KCNB2: variants seen among roughly 807,000 people sequenced by gnomAD.
KCNB2 encodes the protein delayed rectifier potassium channel protein.
In KCNB2, 15 loss-of-function variants were observed where a neutral mutation model predicts 61.5. That is an observed-to-expected ratio of 0.24 (90% CI 0.16 to 0.38). The LOEUF (loss-of-function observed/expected upper bound fraction) is 0.38. Ranked by LOEUF, KCNB2 falls within the 10% of genes least tolerant of loss-of-function variation. The pLI is 1.00. For synonymous variants in KCNB2, 457 were observed against 446.0 expected (o/e 1.02, Z -0.31); for missense variants, 828 against 1,125.2 (o/e 0.74, Z 3.78).
At chr8:72,923,640 T>TG (rs1806574075) in intron 2 of KCNB2, among the ~76,000 whole-genome samples, 1 of 152,150 alleles carries the variant, frequency 6.6e-6, no homozygotes, top group South Asian at 2.1e-4. Flanking sequence ...TTCAATTGGT[T>TG]GGGGGGCTTA....
rs141976123 is a variant in KCNB2 at position 72,583,977 on chromosome 8, C to G, written c.579+15664C>G. Among the ~76,000 whole-genome samples the G allele has an allele frequency of 5.6e-3, 794 of 142,376 alleles. 8 individuals are homozygous for G. The highest frequency in any genetic ancestry group is 0.019 in the African/African-American group (723 of 38,178). The allele number at this position is 142,376 out of a possible 152,430, so 93.4% of individuals were successfully genotyped here. On this transcript the variant is annotated intron_variant, in intron 2 of 2. Coordinates refer to ENST00000523207, the MANE Select transcript of KCNB2 (RefSeq NM_004770.3). ...AAAAAAAAAAAAAACAAACAAAACC[C>G]AAACCCAAAACCAAAAATACCTCTT... is the stretch of plus-strand genomic sequence containing the variant.
At chr8:72,743,904 C>G (rs949550072) in intron 2 of KCNB2, among the ~76,000 whole-genome samples, 1 of 151,984 alleles carries the variant, frequency 6.6e-6, no homozygotes, top group Non-Finnish European at 1.5e-5. Flanking sequence ...GTTAAGATGG[C>G]CTTATATTTC....
At chr8:72,736,397 T>A (rs1807846590) in intron 2 of KCNB2, among the ~76,000 whole-genome samples, 1 of 152,138 alleles carries the variant, frequency 6.6e-6, no homozygotes, top group South Asian at 2.1e-4. Flanking sequence ...TACCTTGGTT[T>A]TATCCCAAGA....
chr8:72,687,741 A>C (rs1585830683), intron 2 of KCNB2, among the ~76,000 whole-genome samples: 1 of 152,188 alleles, frequency 6.6e-6, no homozygotes, highest in Non-Finnish European at 1.5e-5. Context: ...ATATTCTAGA[A>C]AGATAAAAGA....
At chr8:72,909,546 G>A (rs1392604594) in intron 2 of KCNB2, among the ~76,000 whole-genome samples, 1 of 152,034 alleles carries the variant, frequency 6.6e-6, no homozygotes, top group Non-Finnish European at 1.5e-5. Context: ...ACAATGGGAA[G>A]ATTAGAGGTG....
chr8:72,648,150 G>A (rs1370224663), intron 2 of KCNB2, among the ~76,000 whole-genome samples: 3 of 152,090 alleles, frequency 2.0e-5, no homozygotes, highest in East Asian at 3.9e-4. Context: ...TGTTCGTGTC[G>A]AGAGTTTCTG....
At chr8:72,902,353 T>A (rs990322694) in intron 2 of KCNB2, among the ~76,000 whole-genome samples, 1 of 151,892 alleles carries the variant, frequency 6.6e-6, no homozygotes, top group African/African-American at 2.4e-5. Context: ...GCCAGAGAGA[T>A]ATGAAGCTGT....
At chr8:72,931,801 C>T (rs933639612) in intron 2 of KCNB2, among the ~76,000 whole-genome samples, 7 of 152,094 alleles carry the variant, frequency 4.6e-5, no homozygotes, top group South Asian at 2.1e-4. Flanking sequence ...CAACTTGAGG[C>T]CCGGCATTTG....
chr8:72,871,802 C>T (rs6472708), intron 2 of KCNB2, among the ~76,000 whole-genome samples: 137,377 of 152,286 alleles, frequency 0.9, 62,692 homozygotes, highest in Middle Eastern at 0.97. Context: ...TTTAAATTTA[C>T]GTTGTTACCT....
intron 2 of KCNB2, among the ~76,000 whole-genome samples, chr8:72,789,603 T>C (rs1808902811): frequency 6.6e-6 from 1 of 152,104 alleles, no homozygotes; most frequent in African/African-American, 2.4e-5. Context: ...TATCAGGGAA[T>C]GGCCCTGTGT....
At chr8:72,916,022 A>T (rs1483947707) in intron 2 of KCNB2, among the ~76,000 whole-genome samples, 1 of 152,144 alleles carries the variant, frequency 6.6e-6, no homozygotes, top group Non-Finnish European at 1.5e-5. Flanking sequence ...GGCTAGAGGG[A>T]CCAATTGATT....
At chr8:72,921,783 G>A (rs776888819) in intron 2 of KCNB2, among the ~76,000 whole-genome samples, 2 of 152,136 alleles carry the variant, frequency 1.3e-5, no homozygotes, top group South Asian at 2.1e-4. Flanking sequence ...TTAACAAATC[G>A]TAACTATTTA....
intron 2 of KCNB2, among the ~76,000 whole-genome samples, chr8:72,890,272 T>A (rs775100981): frequency 4.6e-5 from 7 of 152,210 alleles, no homozygotes; most frequent in Non-Finnish European, 8.8e-5. Context: ...TGAAAAGACA[T>A]GCACTGAAGG....
At chr8:72,929,403 G>C (rs963079355) in intron 2 of KCNB2, among the ~76,000 whole-genome samples, 14 of 152,148 alleles carry the variant, frequency 9.2e-5, no homozygotes, top group African/African-American at 3.4e-4. Flanking sequence ...GTGTCTAAGT[G>C]AAGAAATAAC....
intron 2 of KCNB2, among the ~76,000 whole-genome samples, chr8:72,844,472 T>C (rs964166230): frequency 6.6e-6 from 1 of 152,212 alleles, no homozygotes; most frequent in Non-Finnish European, 1.5e-5. Context: ...TTCCTGAATT[T>C]GAATGTTGCC....
At chr8:72,807,095 C>T (rs1809237176) in intron 2 of KCNB2, among the ~76,000 whole-genome samples, 1 of 152,156 alleles carries the variant, frequency 6.6e-6, no homozygotes, top group African/African-American at 2.4e-5. Context: ...ACTACAAAAA[C>T]CCCAAGGAAG....
intron 2 of KCNB2, among the ~76,000 whole-genome samples, chr8:72,596,804 C>T (rs1002346999): frequency 6.6e-6 from 1 of 152,056 alleles, no homozygotes; most frequent in Non-Finnish European, 1.5e-5. Flanking sequence ...TTGCCATGAA[C>T]TTTGGCTACT....
chr8:72,658,351 T>C (rs1411999558), intron 2 of KCNB2, among the ~76,000 whole-genome samples: 3 of 152,204 alleles, frequency 2.0e-5, no homozygotes, highest in African/African-American at 7.2e-5. Flanking sequence ...TGCTAAAGCC[T>C]AATCCAGAGC....
At chr8:72,763,044 T>TAAA (rs36134958) in intron 2 of KCNB2, among the ~76,000 whole-genome samples, 2,741 of 137,482 alleles carry the variant, frequency 0.02, 77 homozygotes, top group African/African-American at 0.067. Context: ...CTTTGCAAAG[T>TAAA]AAAAAAAAAA....
Sources: gnomAD v4.1 joint callset for allele counts (sites outside exome capture counted in the v4.1 genomes callset) on GRCh38, gnomAD v4.1.1 for gene constraint, MANE v1.5 for transcripts, NCBI Gene and HGNC (gene_info 2026-07-23, HGNC 2026-07-21) for gene names.